Variants in DNAH11 observed in about 807,000 individuals in gnomAD.
DNAH11 encodes dynein axonemal heavy chain 11, also known as axonemal beta dynein heavy chain 11.
In DNAH11, 442 loss-of-function variants were observed where a neutral mutation model predicts 526.0. That is an observed-to-expected ratio of 0.84 (90% CI 0.78 to 0.91). DNAH11 has a LOEUF of 0.91. Ranked by LOEUF, DNAH11 falls within the 40% of genes least tolerant of loss-of-function variation. The probability of loss-of-function intolerance (pLI) is 0.00; values close to 1 mark genes in which losing one functional copy is unlikely to be tolerated. For synonymous variants in DNAH11, 2,461 were observed against 1,935.9 expected (o/e 1.27, Z -7.12); for missense variants, 6,989 against 5,448.7 (o/e 1.28, Z -8.90).
At position 21,739,691 on chromosome 7, in the gene DNAH11, G is replaced by A; in HGVS notation, c.7914+18G>A. ...GGCTACAGGTAGGGTGTTGAATACT[G>A]CTCTCAAAAACTGTAGGTCTGTATT... is the stretch of plus-strand genomic sequence containing the variant. On this transcript the variant is annotated intron_variant, in intron 48 of 81. Transcript: ENST00000409508. 6.3e-7 allele frequency: 1 copy of A among 1,584,474 alleles called. No homozygotes were observed. Among genetic ancestry groups the A allele is most frequent in the Admixed American group, 1.7e-5 (1 of 59,112 alleles).
intron 66 of DNAH11, chr7:21,851,759 T>C: frequency 2.3e-6 from 1 of 437,412 alleles, no homozygotes; most frequent in Non-Finnish European, 4.7e-6. Context: ...TTGCCTGTTT[T>C]TAGGATGGCA....
Position 21,739,643 on chromosome 7 carries a change from G to A in DNAH11, c.7884G>A (p.Val2628=), listed in dbSNP as rs1278912222. The A allele has an allele frequency of 7.4e-6, 12 of 1,612,692 alleles. No homozygotes were observed. Among genetic ancestry groups the A allele is most frequent in the Non-Finnish European group, 1.0e-5 (12 of 1,179,392 alleles). Residue 2628 remains valine (V), a synonymous_variant, in exon 48 of 82, where the codon GTG becomes GTA. Coordinates refer to ENST00000409508, the MANE Select transcript of DNAH11 (RefSeq NM_001277115.2). ...CQYVACMNPM[V]GSFTINPRLQ... is the part of the protein sequence containing the mutation. Reference sequence around the variant, plus strand: ...ATGTCGCCTGCATGAATCCGATGGTGGGCAGCTTCACCATCAATCCCAGGC... The same window carrying A: ...ATGTCGCCTGCATGAATCCGATGGTAGGCAGCTTCACCATCAATCCCAGGC...
At chr7:21,874,231 T>C (rs1165115597) in intron 74 of DNAH11, among the ~76,000 whole-genome samples, 3 of 152,144 alleles carry the variant, frequency 2.0e-5, no homozygotes. Flanking sequence ...CCCGGTTTGA[T>C]ATGAGTAAAT....
At chr7:21,876,308 C>G (rs1783709865) in intron 74 of DNAH11, among the ~76,000 whole-genome samples, 1 of 152,208 alleles carries the variant, frequency 6.6e-6, no homozygotes, top group African/African-American at 2.4e-5. Flanking sequence ...TCAAACCTAT[C>G]TTAGCCAGAG....
At chr7:21,643,044 A>G (rs1281561787) in intron 28 of DNAH11, among the ~76,000 whole-genome samples, 4 of 152,208 alleles carry the variant, frequency 2.6e-5, no homozygotes, top group African/African-American at 4.8e-5. Context: ...CTTAACTTCA[A>G]TGATAAAAGT....
At chr7:21,573,337 G>A (rs1453463484) in intron 8 of DNAH11, among the ~76,000 whole-genome samples, 2 of 152,014 alleles carry the variant, frequency 1.3e-5, no homozygotes, top group Admixed American at 6.6e-5. Flanking sequence ...TCTGATCTTC[G>A]GTCTGGTTGG....
rs753521886 is a variant in DNAH11 at position 21,619,095 on chromosome 7, A to T, written c.4255-5A>T. 18 of 1,613,048 alleles carry T rather than the reference A, an allele frequency of 1.1e-5. No individual in the cohort carries two copies. Among genetic ancestry groups the T allele is most frequent in the Admixed American group, 5.0e-5 (3 of 59,872 alleles). ...ATAAAGTCTAACTTTTTTTCCCCCA[A>T]TCAGGTCAAGTTTTTAATAAATGAA... On this transcript the variant is annotated splice_region_variant and splice_polypyrimidine_tract_variant and intron_variant, in intron 23 of 81. Coordinates refer to ENST00000409508, the MANE Select transcript of DNAH11 (RefSeq NM_001277115.2).
At chr7:21,879,866 C>A (rs1173538758) in intron 74 of DNAH11, among the ~76,000 whole-genome samples, 1 of 152,058 alleles carries the variant, frequency 6.6e-6, no homozygotes, top group East Asian at 1.9e-4. Context: ...GGGTGGATCA[C>A]CTGAGGACAG....
At chr7:21,574,756 G>C (rs1331552997) in intron 8 of DNAH11, among the ~76,000 whole-genome samples, 1 of 150,880 alleles carries the variant, frequency 6.6e-6, no homozygotes, top group African/African-American at 2.4e-5. Flanking sequence ...AGTAGAGATG[G>C]GGTTTCGCCA....
chr7:21,562,519 G>T (rs562652881), intron 5 of DNAH11, among the ~76,000 whole-genome samples: 1 of 152,154 alleles, frequency 6.6e-6, no homozygotes, highest in South Asian at 2.1e-4. Context: ...ATGAATCCCA[G>T]GGTTCCTCTG....
chr7:21,761,903 G>C (rs1238574871), intron 54 of DNAH11, among the ~76,000 whole-genome samples: 1 of 152,136 alleles, frequency 6.6e-6, no homozygotes, highest in Non-Finnish European at 1.5e-5. Flanking sequence ...CCCGAGACTG[G>C]ATAATTTATA....
At chr7:21,775,387 G>A (rs960630011) in intron 56 of DNAH11, among the ~76,000 whole-genome samples, 2 of 152,060 alleles carry the variant, frequency 1.3e-5, no homozygotes, top group Non-Finnish European at 2.9e-5. Flanking sequence ...GAGGCTGAAG[G>A]GGGAGGATTG....
At chr7:21,896,419 T>C (rs1784518643) in intron 79 of DNAH11, among the ~76,000 whole-genome samples, 1 of 152,220 alleles carries the variant, frequency 6.6e-6, no homozygotes, top group Non-Finnish European at 1.5e-5. Context: ...CTCCATGGTT[T>C]TCTAGCTTTG....
chr7:21,707,901 A>G (rs1483734657), intron 40 of DNAH11, 66 bp downstream of exon 40: 2 of 1,485,994 alleles, frequency 1.3e-6, no homozygotes, highest in Non-Finnish European at 1.8e-6. Flanking sequence ...TTTCAGTACA[A>G]GCCAATTTTA....
chr7:21,661,857 T>A (rs993013520), intron 30 of DNAH11, among the ~76,000 whole-genome samples: 1 of 152,128 alleles, frequency 6.6e-6, no homozygotes, highest in African/African-American at 2.4e-5. Context: ...TTCGCTCCTG[T>A]CATCCAGTCT....
At chr7:21,796,696 G>A (rs912423406) in intron 61 of DNAH11, among the ~76,000 whole-genome samples, 2 of 152,154 alleles carry the variant, frequency 1.3e-5, no homozygotes, top group African/African-American at 2.4e-5. Flanking sequence ...CAAACATCAC[G>A]TGTTACATCT....
At chr7:21,757,380 G>T (rs949353165) in intron 54 of DNAH11, among the ~76,000 whole-genome samples, 13 of 152,082 alleles carry the variant, frequency 8.5e-5, no homozygotes, top group Non-Finnish European at 1.5e-4. Flanking sequence ...TTTAGGAAAA[G>T]GTGTTGCAGT....
At position 21,801,246 on chromosome 7, in the gene DNAH11, C is replaced by T. The variant is rs868167567; in HGVS notation, c.10136C>T (p.Ala3379Val). Residue 3379 changes from alanine to valine, a missense_variant, in exon 62 of 82, where the codon GCT becomes GTT. Ala to Val is a moderately conservative substitution (Grantham distance 64). Coordinates refer to ENST00000409508, the MANE Select transcript of DNAH11 (RefSeq NM_001277115.2). ...VNQTNKTIKL[A>V]NRLVKELEAK... ...CAAACCAACAAAACCATCAAATTAG[C>T]TAACAGACTTGTCAAGGAACTTGAG... 2.5e-6 allele frequency: 4 copies of T among 1,613,880 alleles called. No homozygotes were observed. The highest frequency in any genetic ancestry group is 2.2e-5 in the East Asian group (1 of 44,874).
chr7:21,554,826 G>T (rs1049462641), intron 2 of DNAH11, among the ~76,000 whole-genome samples: 3 of 152,202 alleles, frequency 2.0e-5, no homozygotes, highest in African/African-American at 7.2e-5. Flanking sequence ...TATGCTAGAT[G>T]TCTGCTGTGT....
Sources: gnomAD v4.1 joint callset for allele counts (sites outside exome capture counted in the v4.1 genomes callset) on GRCh38, gnomAD v4.1.1 for gene constraint, MANE v1.5 for transcripts, NCBI Gene and HGNC (gene_info 2026-07-23, HGNC 2026-07-21) for gene names.